LETM1: variants seen among roughly 807,000 people sequenced by gnomAD.
LETM1 encodes mitochondrial proton/calcium exchanger protein.
A neutral mutation model predicts 74.5 loss-of-function variants in LETM1; 50 were observed. The observed-to-expected ratio is 0.67, with a 90% confidence interval of 0.53 to 0.85. The LOEUF (loss-of-function observed/expected upper bound fraction) is 0.85. LETM1 is among the 40% of genes least tolerant of loss of function. The pLI is 0.00. For synonymous variants in LETM1, 446 were observed against 407.1 expected (o/e 1.10, Z -1.15); for missense variants, 824 against 967.8 (o/e 0.85, Z 1.97).
At chr4:1,835,611 C>A (rs1442983107) in intron 4 of LETM1, among the ~76,000 whole-genome samples, 1 of 152,146 alleles carries the variant, frequency 6.6e-6, no homozygotes, top group Non-Finnish European at 1.5e-5. Flanking sequence ...TCTGCTGGTG[C>A]CTCACAGACA....
chr4:1,849,346 C>T (rs935970174), intron 1 of LETM1, 137 bp from the exon 2 acceptor site: 1 of 639,680 alleles, frequency 1.6e-6, no homozygotes, highest in Non-Finnish European at 2.9e-6. Flanking sequence ...CTCACTGCAA[C>T]CTCCACCTCC....
intron 6 of LETM1, among the ~76,000 whole-genome samples, chr4:1,828,843 C>G (rs1271853928): frequency 9.3e-6 from 1 of 107,514 alleles, no homozygotes; most frequent in African/African-American, 3.8e-5. Context: ...CCGGACGGGG[C>G]GGCTGGCCGG....
chr4:1,847,278 C>T (rs1712915434), intron 2 of LETM1, among the ~76,000 whole-genome samples: 1 of 151,602 alleles, frequency 6.6e-6, no homozygotes, highest in African/African-American at 2.4e-5. Flanking sequence ...GAGATCAAAG[C>T]TGCAGTGAGC....
intron 2 of LETM1, among the ~76,000 whole-genome samples, chr4:1,848,729 A>G (rs1404775954): frequency 6.6e-6 from 1 of 150,606 alleles, no homozygotes; most frequent in Non-Finnish European, 1.5e-5. Context: ...AAAAAAAAAA[A>G]AAAAAAAGAA....
chr4:1,853,422 T>A (rs929597242), intron 1 of LETM1, among the ~76,000 whole-genome samples: 1 of 152,240 alleles, frequency 6.6e-6, no homozygotes, highest in Non-Finnish European at 1.5e-5. Flanking sequence ...TTGGACAGCA[T>A]GGAGCCTCGG....
rs151087596 is a variant in LETM1, at chr4:1,822,998, G to A, written c.1466C>T (p.Ser489Leu). The A allele has an allele frequency of 1.9e-5, 30 of 1,587,516 alleles. No homozygotes were observed. The highest frequency in any genetic ancestry group is 6.8e-5 in the South Asian group (6 of 88,744). ...AGGACCACCGCTTACCGCCACCTCC[G>A]AGCGCTTCTGCAGCTCCTTCTCACG... is the stretch of plus-strand genomic sequence containing the variant. ...EHREKELQKR[S>L]EVAKDFEPER... Residue 489 changes from serine (S) to leucine (L), a missense_variant, in exon 9 of 14, where the codon TCG becomes TTG. Coordinates refer to ENST00000302787, the MANE Select transcript of LETM1 (RefSeq NM_012318.3).
intron 1 of LETM1, 130 bp from the exon 2 acceptor site, chr4:1,849,339 A>C: frequency 1.5e-6 from 1 of 654,724 alleles, no homozygotes; most frequent in East Asian, 2.9e-5. Flanking sequence ...ATCTCGGCTC[A>C]CTGCAACCTC....
intron 6 of LETM1, among the ~76,000 whole-genome samples, chr4:1,830,299 G>C (rs762300079): frequency 2.0e-5 from 3 of 152,136 alleles, no homozygotes; most frequent in Non-Finnish European, 4.4e-5. Context: ...TTTAGATATT[G>C]TACTTTTCAG....
In LETM1 at chr4:1,815,820, G is replaced by T. The variant is rs572026394; in HGVS notation, c.1932-18C>A. ...CGTTCTCCCTGTGGAAGCACAGCCT[G>T]CATGTGGCCACGGGCAGGCGTCCTG... On this transcript the variant is annotated intron_variant, in intron 12 of 13. Coordinates refer to ENST00000302787, the MANE Select transcript of LETM1 (RefSeq NM_012318.3). 3 of 1,612,164 alleles carry T rather than the reference G, an allele frequency of 1.9e-6. No homozygotes were observed. The highest frequency in any genetic ancestry group is 4.5e-5 in the East Asian group (2 of 44,834).
In LETM1 at chr4:1,822,994, C is replaced by T. The variant is rs113844459; in HGVS notation, c.1470G>A (p.Glu490=). The T allele has an allele frequency of 6.3e-7, 1 of 1,584,828 alleles. No homozygotes were observed. Among genetic ancestry groups the T allele is most frequent in the African/African-American group, 1.4e-5 (1 of 73,914 alleles). ...HREKELQKRS[E]VAKDFEPERV... ...GAGCAGGACCACCGCTTACCGCCAC[C>T]TCCGAGCGCTTCTGCAGCTCCTTCT... The change falls in exon 9 of 14, where the codon GAG becomes GAA. Residue 490 remains glutamate (E), a synonymous_variant. Transcript: ENST00000302787.
chr4:1,843,761 C>A (rs376634468), intron 2 of LETM1, among the ~76,000 whole-genome samples: 27 of 152,298 alleles, frequency 1.8e-4, no homozygotes, highest in African/African-American at 6.3e-4. Flanking sequence ...CCCCAGCCAC[C>A]ATGTCTCTAG....
At chr4:1,844,985 T>TTTG (rs1712829793) in intron 2 of LETM1, among the ~76,000 whole-genome samples, 1 of 145,618 alleles carries the variant, frequency 6.9e-6, no homozygotes, top group Non-Finnish European at 1.5e-5. Context: ...AGGTCAGGAG[T>TTTG]TTGAGACCAG....
chr4:1,832,835 C>A lies in LETM1; in HGVS notation c.989G>T (p.Cys330Phe). The A allele has an allele frequency of 6.2e-7, 1 of 1,614,160 alleles. No individual in the cohort carries two copies. Among genetic ancestry groups the A allele is most frequent in the Non-Finnish European group, 8.5e-7 (1 of 1,180,036 alleles). ...GATGGACTGTAGCTCCAGCAGCTTG[C>A]ACAGGGCCACCAGCTGCGGCCGTGT... ...NLTRPQLVAL[C>F]KLLELQSIGT... The change falls in exon 6 of 14, where the codon TGC (cysteine) becomes TTC (phenylalanine). Residue 330 changes from cysteine to phenylalanine, a missense_variant. Physicochemically the swap from Cys to Phe is radical, Grantham distance 205 (BLOSUM62 -2). Coordinates refer to ENST00000302787, the MANE Select transcript of LETM1 (RefSeq NM_012318.3).
chr4:1,841,219 C>G lies in LETM1; in HGVS notation c.594+128G>C. 6.3e-6 allele frequency: 5 copies of G among 787,534 alleles called. No homozygotes were observed. In the South Asian group the frequency reaches 9.1e-5, roughly 14 times the overall value. 48.8% of individuals were successfully genotyped at this position (787,534 alleles called of 1,614,324 possible). A position where few individuals can be genotyped will look rare whatever the true frequency, so the allele number is the denominator to read the frequency against. On this transcript the variant is annotated intron_variant, in intron 3 of 13. Coordinates refer to ENST00000302787, the MANE Select transcript of LETM1 (RefSeq NM_012318.3). ...AATTAGCCAGGTGTGGTGGCACATGCCTGTGGTCCCAGATACTCGGGAGGC... is the reference window on the plus strand; with the variant it reads ...AATTAGCCAGGTGTGGTGGCACATGGCTGTGGTCCCAGATACTCGGGAGGC...
intron 6 of LETM1, among the ~76,000 whole-genome samples, chr4:1,829,171 ACC>A (rs1273811308): frequency 9.1e-4 from 28 of 30,742 alleles, no homozygotes; most frequent in African/African-American, 3.5e-3. Context: ...AGGGGGGCTG[ACC>A]CCCCCCCCAC....
intron 10 of LETM1, among the ~76,000 whole-genome samples, 192 bp downstream of exon 10, chr4:1,821,989 G>A (rs376108704): frequency 1.3e-5 from 2 of 152,152 alleles, no homozygotes; most frequent in Admixed American, 6.5e-5. Flanking sequence ...GAGCCCGGCC[G>A]GACTCACTCT....
At chr4:1,838,776 G>A (rs1459871127) in intron 3 of LETM1, among the ~76,000 whole-genome samples, 3 of 152,186 alleles carry the variant, frequency 2.0e-5, no homozygotes, top group Non-Finnish European at 2.9e-5. Flanking sequence ...AAAGGATGGA[G>A]CAGACAGGAG....
chr4:1,848,892 G>C (rs1577327857), intron 2 of LETM1, among the ~76,000 whole-genome samples: 2 of 152,200 alleles, frequency 1.3e-5, no homozygotes, highest in East Asian at 3.9e-4. Flanking sequence ...TCCTGTTAGG[G>C]GACAGGAAGC....
chr4:1,855,516 T>A (rs1396615961), intron 1 of LETM1, among the ~76,000 whole-genome samples: 1 of 152,238 alleles, frequency 6.6e-6, no homozygotes, highest in East Asian at 1.9e-4. Context: ...ACCCCAAACG[T>A]GACCAAAGGG....
Sources: allele counts gnomAD v4.1 joint callset (sites outside exome capture counted in the v4.1 genomes callset), GRCh38; gene constraint gnomAD v4.1.1; transcripts MANE v1.5; gene names NCBI Gene and HGNC (gene_info 2026-07-23, HGNC 2026-07-21).